Variants in DMD observed in about 807,000 individuals in gnomAD.
The protein encoded by DMD is dystrophin.
In DMD, 63 loss-of-function variants were observed where a neutral mutation model predicts 330.1. The ratio of observed to expected loss-of-function variants is 0.19; its 90% confidence interval spans 0.16 to 0.24. The LOEUF (loss-of-function observed/expected upper bound fraction) is 0.24, where lower values mean the gene tolerates loss of function less well. Ranked by LOEUF, DMD falls within the 10% of genes least tolerant of loss-of-function variation. The probability of loss-of-function intolerance (pLI) is 1.00; values close to 1 mark genes in which losing one functional copy is unlikely to be tolerated. For synonymous variants in DMD, 1,223 were observed against 959.8 expected, an observed-to-expected ratio of 1.27 and a Z score of -5.07; for missense variants, 3,344 against 2,684.1, an observed-to-expected ratio of 1.25 and a Z score of -5.43.
At chrX:32,896,625 T>A (rs2085745379) in intron 2 of DMD, among the ~76,000 whole-genome samples, 1 of 111,932 alleles carries the variant, frequency 8.9e-6, no homozygotes, top group Admixed American at 9.5e-5. Flanking sequence ...GTAACTAAGA[T>A]AATTCACTTG....
intron 1 of DMD, among the ~76,000 whole-genome samples, chrX:33,325,543 G>A (rs1413507906): frequency 4.5e-5 from 5 of 112,273 alleles, no homozygotes; most frequent in Non-Finnish European, 9.4e-5. Context: ...ACTTTGCAGA[G>A]TACTACTGAA....
chrX:32,612,984 G>A (rs1002045182), intron 12 of DMD, among the ~76,000 whole-genome samples: 4 of 111,219 alleles, frequency 3.6e-5, no homozygotes, highest in African/African-American at 1.3e-4. Flanking sequence ...AGCTATATAT[G>A]ACTGAATATT....
In DMD at chrX:32,141,914, A is replaced by C. The variant is rs181049372; in HGVS notation, c.6438+75002T>G. On this transcript the variant is annotated intron_variant, in intron 44 of 78. Transcript: ENST00000357033. The stretch of plus-strand genomic sequence containing the variant: ...AATGAATATGTATCAGATTTCGTTG[A>C]TACGTTCATTCTTTTTTCTACAAAT... Among the ~76,000 whole-genome samples the C allele has an allele frequency of 7.4e-3, 823 of 111,788 alleles. 9 individuals carry two copies. The highest frequency in any genetic ancestry group is 0.025 in the African/African-American group (777 of 30,744).
intron 1 of DMD, among the ~76,000 whole-genome samples, chrX:33,059,073 TG>T (rs1299511185): frequency 1.8e-5 from 2 of 112,009 alleles, no homozygotes; most frequent in Non-Finnish European, 3.8e-5. Context: ...TTAGTTTTAA[TG>T]AAGCTCAATT....
chrX:32,571,997 G>T (rs1176379602), intron 15 of DMD, among the ~76,000 whole-genome samples: 3 of 111,690 alleles, frequency 2.7e-5, no homozygotes, highest in African/African-American at 9.8e-5. Context: ...AACTCTCAAT[G>T]GCTCCCCATC....
At position 32,217,057 on chromosome X, in the gene DMD, A is replaced by G. The variant is rs2147866269; in HGVS notation, c.6297T>C (p.Phe2099=). The stretch of plus-strand genomic sequence containing the variant: ...GCCGCCATTTCTCAACAGATCTGTC[A>G]AATCGCCTGCAGGTAAAAGCATATG... ...NKMYKDRQGR[F]DRSVEKWRRF... is the part of the protein sequence containing the mutation. Residue 2099 remains phenylalanine (F), a synonymous_variant, in exon 44 of 79, where the codon TTT becomes TTC. Transcript: ENST00000357033. 8.3e-7 allele frequency: 1 copy of G among 1,209,466 alleles called. No homozygotes were observed. The highest frequency in any genetic ancestry group is 1.8e-5 in the South Asian group (1 of 56,917).
At chrX:32,016,730 A>G (rs1346827421) in intron 44 of DMD, among the ~76,000 whole-genome samples, 1 of 112,491 alleles carries the variant, frequency 8.9e-6, no homozygotes, top group Non-Finnish European at 1.9e-5. Flanking sequence ...CCCTGACCAT[A>G]AGCACCATGA....
At chrX:31,569,005 T>C (rs773455764) in intron 55 of DMD, among the ~76,000 whole-genome samples, 1 of 111,721 alleles carries the variant, frequency 9.0e-6, no homozygotes, top group South Asian at 3.7e-4. Context: ...TCAGGTGACG[T>C]GTAGAAGGAC....
intron 55 of DMD, among the ~76,000 whole-genome samples, chrX:31,523,848 T>C (rs1445510973): frequency 2.7e-5 from 3 of 112,208 alleles, no homozygotes; most frequent in African/African-American, 9.7e-5. Context: ...TCAGCTGTGC[T>C]ACACAAAGAT....
At chrX:32,264,316 T>C (rs1314867889) in intron 43 of DMD, among the ~76,000 whole-genome samples, 1 of 111,964 alleles carries the variant, frequency 8.9e-6, no homozygotes, top group Non-Finnish European at 1.9e-5. Context: ...TGCAAACCAG[T>C]GAGTCAATTA....
At chrX:32,579,091 A>T (rs762998149) in intron 13 of DMD, among the ~76,000 whole-genome samples, 1 of 111,620 alleles carries the variant, frequency 9.0e-6, no homozygotes, top group African/African-American at 3.3e-5. Context: ...AATGTGGCAG[A>T]GTCCTACTGA....
chrX:31,987,813 T>C (rs1411393061), intron 44 of DMD, among the ~76,000 whole-genome samples: 2 of 111,833 alleles, frequency 1.8e-5, no homozygotes, highest in African/African-American at 6.5e-5. Context: ...AGAACTACCA[T>C]ACGATACAGC....
intron 61 of DMD, among the ~76,000 whole-genome samples, chrX:31,325,949 G>GTT (rs79784755): frequency 0.02 from 1,931 of 98,036 alleles, 52 homozygotes; most frequent in African/African-American, 0.069. Flanking sequence ...TACCTTTCTA[G>GTT]TTTTTTTTTT....
rs189750297 is a variant in DMD at position 32,837,632 on chromosome X, T to C, written c.264+7151A>G. Among the ~76,000 whole-genome samples, 260 of 112,131 alleles carry C rather than the reference T, an allele frequency of 2.3e-3. 1 individual carries two copies. Among genetic ancestry groups the C allele is most frequent in the African/African-American group, 8.2e-3 (254 of 30,916 alleles). ...AAATATTCCCCTGATTACACTCTCT[T>C]CAACTTTTTCTGTATGCCACGTGTT... On this transcript the variant is annotated intron_variant, in intron 4 of 78. Coordinates refer to ENST00000357033, the MANE Select transcript of DMD (RefSeq NM_004006.3).
At chrX:32,299,778 TA>T (rs2097514461) in intron 42 of DMD, among the ~76,000 whole-genome samples, 1 of 111,067 alleles carries the variant, frequency 9.0e-6, no homozygotes, top group Non-Finnish European at 1.9e-5. Flanking sequence ...CAAGTTACTC[TA>T]AGTGTTTAGA....
In DMD at chrX:31,306,241, C is replaced by A. The variant is rs571043398; in HGVS notation, c.9224+17357G>T. Among the ~76,000 whole-genome samples the A allele has an allele frequency of 7.2e-5, 8 of 111,227 alleles. No homozygotes were observed. The South Asian group carries it at 3.0e-3, about 42-fold the overall frequency. ...TAAATTATATCTTTATAATGTATAACCCTTAAGAGTTGTTTATATATCTTC... is the reference window on the plus strand; with the variant it reads ...TAAATTATATCTTTATAATGTATAAACCTTAAGAGTTGTTTATATATCTTC... On this transcript the variant is annotated intron_variant, in intron 62 of 78. Transcript: ENST00000357033.
intron 46 of DMD, among the ~76,000 whole-genome samples, chrX:31,929,977 A>T (rs1183795011): frequency 9.0e-6 from 1 of 111,325 alleles, no homozygotes; most frequent in African/African-American, 3.3e-5. Flanking sequence ...TCCCTCATAA[A>T]TTTTTTAAGA....
At chrX:32,012,372 G>C (rs775763911) in intron 44 of DMD, among the ~76,000 whole-genome samples, 3 of 111,925 alleles carry the variant, frequency 2.7e-5, no homozygotes, top group Non-Finnish European at 3.8e-5. Flanking sequence ...AATCTCATCA[G>C]TAAGAGTTCA....
At chrX:32,063,903 T>C (rs144736303) in intron 44 of DMD, among the ~76,000 whole-genome samples, 1,703 of 111,349 alleles carry the variant, frequency 0.015, 36 homozygotes, top group African/African-American at 0.052. Context: ...ATGCTTCCAA[T>C]TGTAGAATAC....
Sources: allele counts gnomAD v4.1 joint callset (sites outside exome capture counted in the v4.1 genomes callset), GRCh38; gene constraint gnomAD v4.1.1; transcripts MANE v1.5; gene names NCBI Gene and HGNC (gene_info 2026-07-23, HGNC 2026-07-21).